The following FAM135B variants were observed in gnomAD, a reference collection of about 807,000 sequenced individuals.
FAM135B encodes the protein protein FAM135B.
A neutral mutation model predicts 127.7 loss-of-function variants in FAM135B; 43 were observed. The ratio of observed to expected loss-of-function variants is 0.34; its 90% CI spans 0.26 to 0.43. The LOEUF (loss-of-function observed/expected upper bound fraction) is 0.43. Among genes scored for constraint, FAM135B ranks in the 20% least tolerant of loss-of-function variants. The pLI is 1.00. For synonymous variants in FAM135B, 670 were observed against 665.1 expected, an observed-to-expected ratio of 1.01 and a Z score of -0.11; for missense variants, 1,558 against 1,725.6, an observed-to-expected ratio of 0.90 and a Z score of 1.72.
intron 2 of FAM135B, among the ~76,000 whole-genome samples, chr8:138,337,303 AG>A (rs1181005835): frequency 2.0e-5 from 3 of 151,882 alleles, no homozygotes; most frequent in South Asian, 2.1e-4. Context: ...AATTAGGAAA[AG>A]AGGAAGTCAA....
upstream of FAM135B, among the ~76,000 whole-genome samples, chr8:138,497,547 G>C (rs994858922): frequency 6.6e-6 from 1 of 152,192 alleles, no homozygotes; most frequent in Non-Finnish European, 1.5e-5. Context: ...CTGGCTGGGA[G>C]GGGACTGTTG....
At chr8:138,173,468 T>A (rs1434200901) in intron 11 of FAM135B, among the ~76,000 whole-genome samples, 1 of 152,162 alleles carries the variant, frequency 6.6e-6, no homozygotes, top group Non-Finnish European at 1.5e-5. Context: ...TAAGATAAGT[T>A]ACTTAACCTC....
chr8:138,325,783 C>T (rs192324101), intron 2 of FAM135B, among the ~76,000 whole-genome samples: 86 of 152,266 alleles, frequency 5.6e-4, no homozygotes, highest in African/African-American at 1.9e-3. Context: ...CCTAATGGTG[C>T]TTTTTGTGTC....
chr8:138,164,751 T>C (rs1348558563), intron 12 of FAM135B, among the ~76,000 whole-genome samples: 1 of 152,182 alleles, frequency 6.6e-6, no homozygotes, highest in African/African-American at 2.4e-5. Context: ...CTCCCTAAAA[T>C]GCATAAAACC....
chr8:138,316,129 A>G (rs1173121258), intron 2 of FAM135B, among the ~76,000 whole-genome samples: 1 of 152,254 alleles, frequency 6.6e-6, no homozygotes, highest in Non-Finnish European at 1.5e-5. Context: ...GTTTATCAAA[A>G]CATCATGTTG....
At chr8:138,321,741 A>T (rs968053505) in intron 2 of FAM135B, among the ~76,000 whole-genome samples, 10 of 152,196 alleles carry the variant, frequency 6.6e-5, no homozygotes, top group African/African-American at 2.4e-4. Context: ...GAGTGCTTTT[A>T]ATAATAGGTA....
intron 9 of FAM135B, among the ~76,000 whole-genome samples, chr8:138,180,282 T>C (rs190283948): frequency 4.3e-4 from 66 of 152,302 alleles, no homozygotes; most frequent in Non-Finnish European, 8.1e-4. Context: ...AACTCAGAGA[T>C]GAACAAGAGA....
At chr8:138,389,121 C>T (rs1256207163) in intron 1 of FAM135B, among the ~76,000 whole-genome samples, 1 of 152,128 alleles carries the variant, frequency 6.6e-6, no homozygotes, top group Non-Finnish European at 1.5e-5. Flanking sequence ...TTCATAGCCA[C>T]TAGGATGGCC....
intron 1 of FAM135B, among the ~76,000 whole-genome samples, chr8:138,381,455 C>T (rs1384617244): frequency 2.0e-5 from 3 of 152,084 alleles, no homozygotes; most frequent in Non-Finnish European, 2.9e-5. Flanking sequence ...TTGCCTTGTG[C>T]ATGTCAAAAT....
At chr8:138,403,267 T>G (rs1013478660) in intron 1 of FAM135B, among the ~76,000 whole-genome samples, 1 of 152,114 alleles carries the variant, frequency 6.6e-6, no homozygotes, top group African/African-American at 2.4e-5. Flanking sequence ...CATTCAACCC[T>G]TCAAATGTCC....
chr8:138,482,907 T>C (rs1338477431), intron 1 of FAM135B, among the ~76,000 whole-genome samples: 1 of 152,140 alleles, frequency 6.6e-6, no homozygotes, highest in Non-Finnish European at 1.5e-5. Flanking sequence ...TATTTTAGCT[T>C]CCATCCACCC....
intron 3 of FAM135B, among the ~76,000 whole-genome samples, chr8:138,283,530 G>A (rs1476181863): frequency 6.6e-6 from 1 of 152,060 alleles, no homozygotes; most frequent in Non-Finnish European, 1.5e-5. Context: ...TCCTCTAATG[G>A]TGGATATGTG....
intron 1 of FAM135B, among the ~76,000 whole-genome samples, chr8:138,452,199 G>C (rs1002113509): frequency 2.1e-5 from 3 of 139,790 alleles, no homozygotes; most frequent in Non-Finnish European, 4.5e-5. Flanking sequence ...GCATGATCTC[G>C]GCTCACTGCA....
intron 7 of FAM135B, among the ~76,000 whole-genome samples, chr8:138,211,805 C>T (rs534994215): frequency 9.7e-4 from 147 of 152,292 alleles, no homozygotes; most frequent in Non-Finnish European, 1.6e-3. Context: ...TGGTGGCTCA[C>T]TCCTGTAATC....
chr8:138,490,165 G>T (rs1815142345), intron 1 of FAM135B, among the ~76,000 whole-genome samples: 1 of 152,172 alleles, frequency 6.6e-6, no homozygotes, highest in South Asian at 2.1e-4. Flanking sequence ...AGTCCAGGGA[G>T]GTTAAGTTCC....
At chr8:138,449,264 G>A (rs1159501253) in intron 1 of FAM135B, among the ~76,000 whole-genome samples, 1 of 152,156 alleles carries the variant, frequency 6.6e-6, no homozygotes, top group Non-Finnish European at 1.5e-5. Flanking sequence ...AGGCTGCTAA[G>A]AGAGCTTGTG....
chr8:138,155,550 C>T (rs1254748526), intron 12 of FAM135B, among the ~76,000 whole-genome samples: 1 of 151,994 alleles, frequency 6.6e-6, no homozygotes, highest in Non-Finnish European at 1.5e-5. Context: ...TCAGGAGACC[C>T]ATCTCATGTG....
intron 7 of FAM135B, among the ~76,000 whole-genome samples, chr8:138,210,250 AC>A (rs1053605076): frequency 2.0e-5 from 3 of 152,176 alleles, no homozygotes; most frequent in African/African-American, 7.2e-5. Context: ...TTTTAATTAT[AC>A]AAGGCATTAA....
At chr8:138,255,482 C>T (rs1822008426) in intron 5 of FAM135B, among the ~76,000 whole-genome samples, 2 of 152,170 alleles carry the variant, frequency 1.3e-5, no homozygotes, top group African/African-American at 4.8e-5. Context: ...TGGTGCTCAA[C>T]TCATTCTGCA....
Sources: allele counts gnomAD v4.1 joint callset (sites outside exome capture counted in the v4.1 genomes callset), GRCh38; gene constraint gnomAD v4.1.1; transcripts MANE v1.5; gene names NCBI Gene and HGNC (gene_info 2026-07-23, HGNC 2026-07-21).